Variants in PTPRO observed in about 807,000 individuals in gnomAD.
PTPRO encodes protein tyrosine phosphatase receptor type O, also known as receptor-type tyrosine-protein phosphatase O.
A neutral mutation model predicts 145.2 loss-of-function variants in PTPRO; 62 were observed. That is an observed-to-expected ratio of 0.43 (90% CI 0.35 to 0.53). PTPRO has a LOEUF of 0.53. Ranked by LOEUF, PTPRO falls within the 20% of genes least tolerant of loss-of-function variation. PTPRO has a pLI of 0.01. For synonymous variants in PTPRO, 565 were observed against 514.7 expected (o/e 1.10, Z -1.32); for missense variants, 1,345 against 1,482.7 (o/e 0.91, Z 1.53).
At chr12:15,332,737 A>G (rs1489572020) in intron 1 of PTPRO, among the ~76,000 whole-genome samples, 3 of 152,228 alleles carry the variant, frequency 2.0e-5, no homozygotes, top group Non-Finnish European at 2.9e-5. Flanking sequence ...GCTGTAAAGT[A>G]GCCATTCCAC....
At chr12:15,375,495 C>G (rs777871023) in intron 1 of PTPRO, among the ~76,000 whole-genome samples, 1 of 152,118 alleles carries the variant, frequency 6.6e-6, no homozygotes, top group Non-Finnish European at 1.5e-5. Context: ...CTGTGACTCA[C>G]GCCTGTAATC....
At position 15,596,436 on chromosome 12, in the gene PTPRO, G is replaced by A. The variant is rs1018853312; in HGVS notation, c.*363G>A. On this transcript the variant is annotated 3_prime_UTR_variant, in exon 27 of 27. Transcript: ENST00000281171. Reference sequence around the variant, plus strand: ...TTTGTTTTTCAGTGCAATAATTTTTGTGTGTGTGTGATTCTTATCAGAAAG... The same window carrying A: ...TTTGTTTTTCAGTGCAATAATTTTTATGTGTGTGTGATTCTTATCAGAAAG... The A allele has an allele frequency of 5.2e-5, 8 of 152,484 alleles. No individual in the cohort carries two copies. Among genetic ancestry groups the A allele is most frequent in the African/African-American group, 1.2e-4 (5 of 41,394 alleles). The allele number at this position is 152,484 out of a possible 1,614,324, so 9.4% of individuals were successfully genotyped here.
chr12:15,429,536 A>G (rs1028297796), intron 1 of PTPRO, among the ~76,000 whole-genome samples: 15 of 152,306 alleles, frequency 9.8e-5, no homozygotes, highest in Non-Finnish European at 4.4e-5. Flanking sequence ...TGTCACAGGG[A>G]AAAGAATAAT....
At chr12:15,390,619 C>T (rs978198285) in intron 1 of PTPRO, among the ~76,000 whole-genome samples, 1 of 152,080 alleles carries the variant, frequency 6.6e-6, no homozygotes, top group Admixed American at 6.5e-5. Flanking sequence ...ATGGGTATCC[C>T]ACACCATGGT....
intron 1 of PTPRO, among the ~76,000 whole-genome samples, chr12:15,440,609 C>T (rs956423486): frequency 6.6e-6 from 1 of 152,050 alleles, no homozygotes; most frequent in Non-Finnish European, 1.5e-5. Context: ...ACCTCTAATC[C>T]CAGCACTTTG....
In PTPRO at chr12:15,498,833, C is replaced by G. The variant is rs568946938; in HGVS notation, c.509-609C>G. 3.3e-3 allele frequency among the ~76,000 whole-genome samples: 508 copies of G among 152,164 alleles called. 1 individual carries two copies. The highest frequency in any genetic ancestry group is 0.012 in the African/African-American group (483 of 41,536). ...CCCATTCTTAAGTCAATTACTTTTTCAAACTATTTTTAGATTTCAATTCAA... is the reference window on the plus strand; with the variant it reads ...CCCATTCTTAAGTCAATTACTTTTTGAAACTATTTTTAGATTTCAATTCAA... On this transcript the variant is annotated intron_variant, in intron 3 of 26. Transcript: ENST00000281171.
At chr12:15,540,322 A>G (rs1015806126) in intron 12 of PTPRO, among the ~76,000 whole-genome samples, 5 of 152,272 alleles carry the variant, frequency 3.3e-5, no homozygotes, top group African/African-American at 1.2e-4. Flanking sequence ...TTATGACAAT[A>G]TAGATGTTAA....
intron 19 of PTPRO, among the ~76,000 whole-genome samples, chr12:15,573,786 G>T (rs779747398): frequency 6.6e-6 from 1 of 152,070 alleles, no homozygotes; most frequent in Non-Finnish European, 1.5e-5. Flanking sequence ...TCAGCGTCAG[G>T]GTTTCCTCAT....
At chr12:15,423,445 A>T (rs1046205009) in intron 1 of PTPRO, among the ~76,000 whole-genome samples, 5 of 152,182 alleles carry the variant, frequency 3.3e-5, no homozygotes, top group African/African-American at 1.2e-4. Context: ...TATTTCTCAT[A>T]GAAGTGTAAA....
intron 1 of PTPRO, among the ~76,000 whole-genome samples, chr12:15,464,250 G>A (rs1440455872): frequency 6.6e-6 from 1 of 152,212 alleles, no homozygotes; most frequent in East Asian, 1.9e-4. Flanking sequence ...GCATGTTTCA[G>A]AACTTCAAGC....
intron 1 of PTPRO, among the ~76,000 whole-genome samples, chr12:15,424,999 C>T (rs1940245964): frequency 1.3e-5 from 2 of 151,996 alleles, no homozygotes; most frequent in African/African-American, 4.8e-5. Flanking sequence ...TTGTGTTTTC[C>T]CGATGGTCAG....
At chr12:15,338,873 A>G (rs1324581841) in intron 1 of PTPRO, among the ~76,000 whole-genome samples, 2 of 152,170 alleles carry the variant, frequency 1.3e-5, no homozygotes, top group African/African-American at 4.8e-5. Context: ...CCACCAGTCA[A>G]TCATCAAACA....
intron 1 of PTPRO, among the ~76,000 whole-genome samples, chr12:15,388,347 C>T (rs1939088746): frequency 6.6e-6 from 1 of 151,976 alleles, no homozygotes; most frequent in African/African-American, 2.4e-5. Flanking sequence ...AAGAGATAGC[C>T]ACTCACCCAC....
Position 15,497,281 on chromosome 12 carries a change from A to G in PTPRO, c.386A>G (p.Tyr129Cys). 1 of 1,585,666 alleles carries G rather than the reference A, an allele frequency of 6.3e-7. No individual in the cohort carries two copies. The highest frequency in any genetic ancestry group is 8.7e-7 in the Non-Finnish European group (1 of 1,154,488). The change falls in exon 3 of 27, where the codon TAT becomes TGT. Residue 129 changes from tyrosine (Y) to cysteine (C), a missense_variant. Coordinates refer to ENST00000281171, the MANE Select transcript of PTPRO (RefSeq NM_030667.3). Reference sequence around the variant, plus strand: ...GTAACCAGTGTTTCCATATATGACTATAAACCTTCTCCTGAAACAGGAGTC... The same window carrying G: ...GTAACCAGTGTTTCCATATATGACTGTAAACCTTCTCCTGAAACAGGAGTC... ...LPVTSVSIYD[Y>C]KPSPETGVLF...
chr12:15,482,011 T>C (rs950026058), intron 1 of PTPRO, among the ~76,000 whole-genome samples: 1 of 152,148 alleles, frequency 6.6e-6, no homozygotes, highest in African/African-American at 2.4e-5. Context: ...ACTGGGTATC[T>C]ATCCAAAGGA....
chr12:15,447,410 G>A, intron 1 of PTPRO, among the ~76,000 whole-genome samples: 1 of 152,088 alleles, frequency 6.6e-6, no homozygotes, highest in Non-Finnish European at 1.5e-5. Context: ...CAAGGAATTT[G>A]CCACCTTAGC....
intron 7 of PTPRO, among the ~76,000 whole-genome samples, chr12:15,512,278 C>A (rs1591668999): frequency 2.0e-5 from 3 of 152,202 alleles, no homozygotes; most frequent in Middle Eastern, 6.8e-3. Context: ...CCACGCCTCA[C>A]TAATTTTTGT....
intron 1 of PTPRO, among the ~76,000 whole-genome samples, chr12:15,350,114 A>G (rs1322978263): frequency 6.6e-6 from 1 of 152,216 alleles, no homozygotes; most frequent in African/African-American, 2.4e-5. Context: ...GGAACCCTTC[A>G]TATATAAATG....
chr12:15,437,414 C>T (rs1272342939), intron 1 of PTPRO, among the ~76,000 whole-genome samples: 1 of 151,864 alleles, frequency 6.6e-6, no homozygotes, highest in East Asian at 2.0e-4. Context: ...ACCACCAAGA[C>T]TGTCCAAAGA....
Sources: allele counts gnomAD v4.1 joint callset (sites outside exome capture counted in the v4.1 genomes callset), GRCh38; gene constraint gnomAD v4.1.1; transcripts MANE v1.5; gene names NCBI Gene and HGNC (gene_info 2026-07-23, HGNC 2026-07-21).